SUPT3H: variants seen among roughly 807,000 people sequenced by gnomAD.
The protein encoded by SUPT3H is transcription initiation protein SPT3 homolog.
A neutral mutation model predicts 44.3 loss-of-function variants in SUPT3H; 44 were observed. The ratio of observed to expected loss-of-function variants is 0.99; its 90% CI spans 0.78 to 1.28. The LOEUF is 1.28. Among genes scored for constraint, SUPT3H ranks in the 50% most tolerant of loss-of-function variants. The pLI, the probability that SUPT3H is intolerant of heterozygous loss-of-function variation, is 0.00. For missense variants in SUPT3H, 380 were observed against 387.1 expected, an observed-to-expected ratio of 0.98 and a Z score of 0.15; for synonymous variants, 124 against 125.6, an observed-to-expected ratio of 0.99 and a Z score of 0.09.
chr6:45,328,227 T>C, intron 2 of SUPT3H: 1 of 1,255,158 alleles, frequency 8.0e-7, no homozygotes, highest in Non-Finnish European at 1.0e-6. Context: ...TACTTAAGAG[T>C]ACTGTGAGGT....
intron 2 of SUPT3H, among the ~76,000 whole-genome samples, chr6:45,248,986 T>C (rs1322671223): frequency 1.3e-5 from 2 of 151,112 alleles, no homozygotes; most frequent in Non-Finnish European, 2.9e-5. Context: ...TGGAAAAAAA[T>C]TTGGCAGTTT....
intron 3 of SUPT3H, among the ~76,000 whole-genome samples, chr6:45,074,547 A>G (rs1174779867): frequency 6.6e-6 from 1 of 152,024 alleles, no homozygotes; most frequent in Non-Finnish European, 1.5e-5. Context: ...ACATAAAATA[A>G]AAAAGACTAA....
intron 1 of SUPT3H, among the ~76,000 whole-genome samples, chr6:45,375,536 G>GA (rs1483658345): frequency 1.3e-5 from 2 of 151,920 alleles, no homozygotes; most frequent in African/African-American, 4.8e-5. Context: ...TCAGCCTTAA[G>GA]ACCAAGAGCA....
intron 2 of SUPT3H, among the ~76,000 whole-genome samples, chr6:45,306,133 C>G (rs1446132984): frequency 6.6e-6 from 1 of 152,228 alleles, no homozygotes; most frequent in Non-Finnish European, 1.5e-5. Flanking sequence ...ACTCCCTCCA[C>G]AAGTACCCAG....
At chr6:45,012,045 CA>C (rs1178932734) in intron 5 of SUPT3H, among the ~76,000 whole-genome samples, 3 of 150,176 alleles carry the variant, frequency 2.0e-5, no homozygotes, top group African/African-American at 7.3e-5. Context: ...TAAATATTGT[CA>C]GGGTCCCCCT....
rs142253501 is a variant in SUPT3H at position 44,846,910 on chromosome 6, G to A, written c.913-17053C>T. Among the ~76,000 whole-genome samples, 491 of 152,296 alleles carry A rather than the reference G, an allele frequency of 3.2e-3. 6 individuals are homozygous for A. Among genetic ancestry groups the A allele is most frequent in the African/African-American group, 0.011 (467 of 41,564 alleles). On this transcript the variant is annotated intron_variant, in intron 10 of 10. Transcript: ENST00000371459. ...CTCCCAAAGTGCTGGGATTACAGGC[G>A]TGAGGCACTGTACCCAGCCCCAGTT...
intron 2 of SUPT3H, among the ~76,000 whole-genome samples, chr6:45,201,894 CT>C (rs1762509227): frequency 6.6e-6 from 1 of 151,818 alleles, no homozygotes; most frequent in South Asian, 2.1e-4. Context: ...TTATATTGTT[CT>C]GCTTAATTTG....
At chr6:44,908,667 C>A (rs1766510424) in intron 10 of SUPT3H, among the ~76,000 whole-genome samples, 1 of 152,084 alleles carries the variant, frequency 6.6e-6, no homozygotes, top group Admixed American at 6.5e-5. Context: ...CACCTTTACA[C>A]CCCAGAAAGT....
intron 2 of SUPT3H, among the ~76,000 whole-genome samples, chr6:45,256,625 C>G (rs998458284): frequency 3.3e-5 from 5 of 152,054 alleles, no homozygotes; most frequent in Admixed American, 6.6e-5. Context: ...CACCACCACT[C>G]TAAGGAACCA....
intron 2 of SUPT3H, among the ~76,000 whole-genome samples, chr6:45,313,063 T>A (rs1784201754): frequency 6.6e-6 from 1 of 152,062 alleles, no homozygotes; most frequent in African/African-American, 2.4e-5. Flanking sequence ...GAAATCAAAA[T>A]GAAAATTAAA....
intron 10 of SUPT3H, among the ~76,000 whole-genome samples, chr6:44,874,702 A>G (rs1056426179): frequency 1.8e-5 from 1 of 54,170 alleles, no homozygotes; most frequent in East Asian, 5.9e-4. Context: ...GAAAAGAGGA[A>G]GTCAAATTGT....
chr6:45,034,636 CTTAAT>C (rs141091335), intron 3 of SUPT3H, among the ~76,000 whole-genome samples: 18,019 of 152,004 alleles, frequency 0.12, 1,389 homozygotes, highest in East Asian at 0.27. Context: ...GATTCAGAGA[CTTAAT>C]TTAAGAAAGG....
At chr6:44,912,012 C>T (rs1404547879) in intron 10 of SUPT3H, among the ~76,000 whole-genome samples, 1 of 152,182 alleles carries the variant, frequency 6.6e-6, no homozygotes, top group Non-Finnish European at 1.5e-5. Flanking sequence ...TAAGCAGTGT[C>T]TGTCTACGAA....
At chr6:45,338,940 C>T (rs1467485809) in intron 2 of SUPT3H, among the ~76,000 whole-genome samples, 1 of 151,750 alleles carries the variant, frequency 6.6e-6, no homozygotes, top group African/African-American at 2.4e-5. Context: ...GCTGAAGACA[C>T]ATAAGTATAA....
intron 2 of SUPT3H, among the ~76,000 whole-genome samples, chr6:45,363,050 A>C (rs908040922): frequency 4.6e-5 from 7 of 152,084 alleles, no homozygotes; most frequent in African/African-American, 1.7e-4. Flanking sequence ...TCTTCTTCTT[A>C]AAGGCAACTG....
chr6:45,243,081 C>A (rs567205312), intron 2 of SUPT3H, among the ~76,000 whole-genome samples: 6 of 151,340 alleles, frequency 4.0e-5, no homozygotes, highest in Admixed American at 2.6e-4. Context: ...GTAATCCCAG[C>A]TAGTCGGGAG....
intron 2 of SUPT3H, among the ~76,000 whole-genome samples, chr6:45,166,495 G>A (rs576970402): frequency 6.6e-6 from 1 of 150,402 alleles, no homozygotes; most frequent in South Asian, 2.1e-4. Flanking sequence ...TGAGGCAGGA[G>A]AATGGCGTGA....
chr6:44,995,775 AAG>A (rs1417111545), intron 6 of SUPT3H, among the ~76,000 whole-genome samples: 1 of 152,040 alleles, frequency 6.6e-6, no homozygotes, highest in Non-Finnish European at 1.5e-5. Flanking sequence ...ATAAAATGAA[AAG>A]AGAAATTGCA....
rs149260646 is a variant in SUPT3H at position 45,169,510 on chromosome 6, T to C, written c.102-63504A>G. Among the ~76,000 whole-genome samples the C allele has an allele frequency of 5.3e-3, 806 of 152,330 alleles. 6 individuals are homozygous for C. The highest frequency in any genetic ancestry group is 0.018 in the African/African-American group (751 of 41,584). On this transcript the variant is annotated intron_variant, in intron 2 of 10. Coordinates refer to ENST00000371459, the MANE Select transcript of SUPT3H (RefSeq NM_003599.4). ...TTAAAAAAGCATTTATTATGTTTAT[T>C]GTAAGAACTATCCAAAATATTGCTT...
Sources: gnomAD v4.1 joint callset for allele counts (sites outside exome capture counted in the v4.1 genomes callset) on GRCh38, gnomAD v4.1.1 for gene constraint, MANE v1.5 for transcripts, NCBI Gene and HGNC (gene_info 2026-07-23, HGNC 2026-07-21) for gene names.